HTR6: variants seen among roughly 807,000 people sequenced by gnomAD.
HTR6 encodes the protein 5-hydroxytryptamine (serotonin) receptor 6, G protein-coupled.
In HTR6, 15 loss-of-function variants were observed where a neutral mutation model predicts 17.4. The ratio of observed to expected loss-of-function variants is 0.86; its 90% CI spans 0.58 to 1.33. HTR6 has a LOEUF of 1.33. Among genes scored for constraint, HTR6 ranks in the 40% most tolerant of loss-of-function variants. The pLI is 0.00. For synonymous variants in HTR6, 326 were observed against 295.5 expected (o/e 1.10, Z -1.06); for missense variants, 578 against 616.0 (o/e 0.94, Z 0.65).
At chr1:19,674,761 A>T (rs1270942311) in intron 1 of HTR6, among the ~76,000 whole-genome samples, 10 of 152,154 alleles carry the variant, frequency 6.6e-5, no homozygotes, top group African/African-American at 2.4e-5. Context: ...TTCCTATCAC[A>T]AGTAGTGCTG....
chr1:19,671,581 G>A (rs1215710497), intron 1 of HTR6, among the ~76,000 whole-genome samples: 1 of 152,138 alleles, frequency 6.6e-6, no homozygotes, highest in African/African-American at 2.4e-5. Flanking sequence ...TCAATGTTTG[G>A]ACCTAAAGGA....
intron 1 of HTR6, among the ~76,000 whole-genome samples, chr1:19,675,618 C>T (rs368249746): frequency 3.9e-5 from 6 of 152,148 alleles, no homozygotes; most frequent in South Asian, 2.1e-4. Flanking sequence ...TGAGATATTC[C>T]CCCTAGTGCC....
At chr1:19,671,992 A>G (rs3790758) in intron 1 of HTR6, among the ~76,000 whole-genome samples, 18,075 of 151,618 alleles carry the variant, frequency 0.12, 1,239 homozygotes, top group East Asian at 0.22. Flanking sequence ...GTGTGTTGGG[A>G]GCAGGGTGGA....
At chr1:19,676,230 C>T (rs925855189) in intron 1 of HTR6, among the ~76,000 whole-genome samples, 5 of 152,098 alleles carry the variant, frequency 3.3e-5, no homozygotes, top group African/African-American at 9.7e-5. Context: ...AGCTTCACAG[C>T]GACGCCGTAA....
At position 19,665,084 on chromosome 1, in the gene HTR6, G is replaced by A. The variant is rs927084123; in HGVS notation, c.-670G>A. Among the ~76,000 whole-genome samples, 28 of 151,638 alleles carry A rather than the reference G, an allele frequency of 1.8e-4. No individual in the cohort carries two copies. The highest frequency in any genetic ancestry group is 6.8e-4 in the African/African-American group (28 of 41,362). ...GCGACCCTGCTGCCGGGTGGGGAGG[G>A]GGCGCCGCGCGGCCGCTGCCCTCCT... is the stretch of plus-strand genomic sequence containing the variant. On this transcript the variant is annotated 5_prime_UTR_variant, in exon 1 of 3. Coordinates refer to ENST00000289753, the MANE Select transcript of HTR6 (RefSeq NM_000871.3). The surrounding 1 kb of genome is among the most constrained non-coding windows in gnomAD (Gnocchi z 4.2).
At position 19,679,550 on chromosome 1, in the gene HTR6, T is replaced by C. The variant is rs201827915; in HGVS notation, c.*182T>C. 63 of 818,298 alleles carry C rather than the reference T, an allele frequency of 7.7e-5. No homozygotes were observed. In the South Asian group the frequency reaches 1.2e-3, roughly 16 times the overall value. 50.7% of individuals were successfully genotyped at this position (818,298 alleles called of 1,614,324 possible). A position where few individuals can be genotyped will look rare whatever the true frequency, so the allele number is the denominator to read the frequency against. On this transcript the variant is annotated 3_prime_UTR_variant, in exon 3 of 3. Coordinates refer to ENST00000289753, the MANE Select transcript of HTR6 (RefSeq NM_000871.3). This position sits in a 1 kb window ranked among gnomAD's most constrained non-coding sequence, Gnocchi z 4.9. ...CCAGGCCCCTTACCTGCAGGGATCA[T>C]AGCTGACTCAGATATCGTGTTCTGA...
Position 19,679,476 on chromosome 1 carries a change from C to T in HTR6, c.*108C>T. 1 of 1,420,666 alleles carries T rather than the reference C, an allele frequency of 7.0e-7. No individual in the cohort carries two copies. The highest frequency in any genetic ancestry group is 1.4e-5 in the African/African-American group (1 of 69,488). The allele number at this position is 1,420,666 out of a possible 1,614,324, so 88.0% of individuals were successfully genotyped here. ...CAGGAGGCTGCAAGTCTCCTAGAAGCCCTCTGAGCTCCAGAGGGGTGCGCA... is the reference window on the plus strand; with the variant it reads ...CAGGAGGCTGCAAGTCTCCTAGAAGTCCTCTGAGCTCCAGAGGGGTGCGCA... On this transcript the variant is annotated 3_prime_UTR_variant, in exon 3 of 3. Coordinates refer to ENST00000289753, the MANE Select transcript of HTR6 (RefSeq NM_000871.3). This position sits in a 1 kb window ranked among gnomAD's most constrained non-coding sequence, Gnocchi z 4.9.
At chr1:19,677,885 G>A (rs1224691041) in intron 1 of HTR6, among the ~76,000 whole-genome samples, 1 of 152,174 alleles carries the variant, frequency 6.6e-6, no homozygotes, top group Non-Finnish European at 1.5e-5. Flanking sequence ...GATTACAGGT[G>A]CCTGCCACCA....
chr1:19,675,831 C>T (rs2095093753), intron 1 of HTR6, among the ~76,000 whole-genome samples: 1 of 152,138 alleles, frequency 6.6e-6, no homozygotes. Context: ...GAGCCTCTTC[C>T]TCCAGGCTGA....
At chr1:19,677,736 A>G (rs937126439) in intron 1 of HTR6, among the ~76,000 whole-genome samples, 1 of 151,846 alleles carries the variant, frequency 6.6e-6, no homozygotes, top group African/African-American at 2.4e-5. Flanking sequence ...ATTGCAATTG[A>G]TTTTGTGTGT....
At chr1:19,673,625 G>A (rs1253750342) in intron 1 of HTR6, among the ~76,000 whole-genome samples, 1 of 152,198 alleles carries the variant, frequency 6.6e-6, no homozygotes. Flanking sequence ...TTGAACCCGG[G>A]AGGCAGAGGT....
At chr1:19,674,835 A>G (rs1339800236) in intron 1 of HTR6, among the ~76,000 whole-genome samples, 1 of 152,100 alleles carries the variant, frequency 6.6e-6, no homozygotes, top group Non-Finnish European at 1.5e-5. Flanking sequence ...TGGAAGCTGT[A>G]TGTGTGATTG....
Position 19,666,264 on chromosome 1 carries a change from C to T in HTR6, c.511C>T (p.His171Tyr). ...GCTGCTGGGCTGGCACGAGCTGGGCCACGCACGGCCACCCGTCCCTGGCCA... is the reference window on the plus strand; with the variant it reads ...GCTGCTGGGCTGGCACGAGCTGGGCTACGCACGGCCACCCGTCCCTGGCCA... Reference protein sequence around the residue: ...PLLLGWHELGHARPPVPGQCR... With the variant: ...PLLLGWHELGYARPPVPGQCR... The change falls in exon 1 of 3, where the codon CAC (histidine) becomes TAC (tyrosine). Residue 171 changes from histidine to tyrosine, a missense_variant. Coordinates refer to ENST00000289753, the MANE Select transcript of HTR6 (RefSeq NM_000871.3). The surrounding 1 kb of genome is among the most constrained non-coding windows in gnomAD (Gnocchi z 4.5). The T allele has an allele frequency of 6.2e-7, 1 of 1,610,000 alleles. No individual in the cohort carries two copies. Among genetic ancestry groups the T allele is most frequent in the Non-Finnish European group, 8.5e-7 (1 of 1,179,620 alleles).
In HTR6 at chr1:19,665,801, G is replaced by A. The variant is rs779486915; in HGVS notation, c.48G>A (p.Gly16=). 6 of 1,525,748 alleles carry A rather than the reference G, an allele frequency of 3.9e-6. No individual in the cohort carries two copies. The highest frequency in any genetic ancestry group is 1.3e-5 in the South Asian group (1 of 75,070). 94.5% of individuals were successfully genotyped at this position (1,525,748 alleles called of 1,614,324 possible). The change falls in exon 1 of 3, where the codon GGG becomes GGA. Residue 16 remains glycine, a synonymous_variant. Coordinates refer to ENST00000289753, the MANE Select transcript of HTR6 (RefSeq NM_000871.3). This position sits in a 1 kb window ranked among gnomAD's most constrained non-coding sequence, Gnocchi z 4.2. ...GPTANSTPAW[G]AGPPSAPGGS... ...CCGCCAATAGCACCCCGGCCTGGGGGGCAGGGCCGCCGTCGGCCCCGGGGG... is the reference window on the plus strand; with the variant it reads ...CCGCCAATAGCACCCCGGCCTGGGGAGCAGGGCCGCCGTCGGCCCCGGGGG...
chr1:19,676,738 G>C (rs1408917425), intron 1 of HTR6, among the ~76,000 whole-genome samples: 1 of 152,160 alleles, frequency 6.6e-6, no homozygotes, highest in African/African-American at 2.4e-5. Flanking sequence ...TTCCATCTGC[G>C]GAAGGTTGCC....
Position 19,666,610 on chromosome 1 carries a change from T to A in HTR6, c.714+143T>A. 1 of 646,044 alleles carries A rather than the reference T, an allele frequency of 1.5e-6. No homozygotes were observed. The highest frequency in any genetic ancestry group is 2.6e-6 in the Non-Finnish European group (1 of 380,278). 40.0% of individuals were successfully genotyped at this position (646,044 alleles called of 1,614,324 possible). On this transcript the variant is annotated intron_variant, in intron 1 of 2. Transcript: ENST00000289753. The surrounding 1 kb of genome is among the most constrained non-coding windows in gnomAD (Gnocchi z 4.5). ...GTGAGCGCCCACCTTTCTTCTGAAC[T>A]CCAGAGCCAATGCCTGACCCACCCA...
rs1238192643 is a variant in HTR6 at position 19,680,372 on chromosome 1, G to A, written c.*1004G>A. Among the ~76,000 whole-genome samples the A allele has an allele frequency of 6.6e-6, 1 of 152,178 alleles. No individual in the cohort carries two copies. The highest frequency in any genetic ancestry group is 1.9e-4 in the East Asian group (1 of 5,192). The stretch of plus-strand genomic sequence containing the variant: ...CCTGACTCTGGTTCCCCAACTCCCT[G>A]TTCTGGCTCCTGGGTGGGGACCCCA... On this transcript the variant is annotated 3_prime_UTR_variant, in exon 3 of 3. Transcript: ENST00000289753.
Position 19,665,945 on chromosome 1 carries a change from C to G in HTR6, c.192C>G (p.Phe64Leu). The change falls in exon 1 of 3, where the codon TTC (phenylalanine) becomes TTG (leucine). Residue 64 changes from phenylalanine (F) to leucine (L), a missense_variant. Phe to Leu is a conservative substitution (Grantham distance 22). Coordinates refer to ENST00000289753, the MANE Select transcript of HTR6 (RefSeq NM_000871.3). The surrounding 1 kb of genome is among the most constrained non-coding windows in gnomAD (Gnocchi z 4.2). ...QPALRNTSNF[F>L]LVSLFTSDLM... ...CGCTGCGCAACACGTCCAACTTCTT[C>G]CTGGTGTCGCTCTTCACGTCTGACC... The G allele has an allele frequency of 1.2e-6, 2 of 1,613,856 alleles. No individual in the cohort carries two copies. The highest frequency in any genetic ancestry group is 1.1e-5 in the South Asian group (1 of 91,082).
At chr1:19,674,935 A>T (rs1347244518) in intron 1 of HTR6, among the ~76,000 whole-genome samples, 1 of 152,208 alleles carries the variant, frequency 6.6e-6, no homozygotes, top group Non-Finnish European at 1.5e-5. Context: ...CATGGCCCCA[A>T]GGGGCTGCGA....
Sources: gnomAD v4.1 joint callset for allele counts (sites outside exome capture counted in the v4.1 genomes callset) on GRCh38, gnomAD v4.1.1 for gene constraint, Gnocchi (gnomAD v3.1) non-coding constraint, MANE v1.5 for transcripts, NCBI Gene and HGNC (gene_info 2026-07-23, HGNC 2026-07-21) for gene names.